ZBP1: variants seen among roughly 807,000 people sequenced by gnomAD.
The protein encoded by ZBP1 is Z-DNA binding protein 1, also known as Z-DNA-binding protein 1.
A neutral mutation model predicts 41.1 loss-of-function variants in ZBP1; 42 were observed. The observed-to-expected ratio is 1.02, with a 90% CI of 0.80 to 1.32. The LOEUF (loss-of-function observed/expected upper bound fraction) is 1.32, where lower values mean the gene tolerates loss of function less well. ZBP1 is among the 40% of genes most tolerant of loss of function. The probability of loss-of-function intolerance (pLI) is 0.00; values close to 1 mark genes in which losing one functional copy is unlikely to be tolerated. For missense variants in ZBP1, 562 were observed against 549.7 expected, an observed-to-expected ratio of 1.02 and a Z score of -0.22; for synonymous variants, 214 against 205.2, an observed-to-expected ratio of 1.04 and a Z score of -0.37.
intron 7 of ZBP1, 111 bp from the exon 8 acceptor site, chr20:57,604,880 G>T: frequency 2.8e-6 from 3 of 1,058,534 alleles, no homozygotes; most frequent in Non-Finnish European, 2.8e-6. Context: ...TGTTGTTACT[G>T]TCTTTAGATT....
At chr20:57,607,910 T>A (rs2070537515) in intron 7 of ZBP1, among the ~76,000 whole-genome samples, 1 of 152,192 alleles carries the variant, frequency 6.6e-6, no homozygotes, top group Non-Finnish European at 1.5e-5. Flanking sequence ...TGAATATAAC[T>A]TGTATATGCA....
chr20:57,611,021 T>C (rs1032765955), intron 6 of ZBP1, among the ~76,000 whole-genome samples: 1 of 152,170 alleles, frequency 6.6e-6, no homozygotes, highest in African/African-American at 2.4e-5. Flanking sequence ...CATCTCTGCA[T>C]TCCCAGTGTG....
Position 57,616,129 on chromosome 20 carries a change from C to G in ZBP1, c.259+115G>C. On this transcript the variant is annotated intron_variant, in intron 2 of 7. Transcript: ENST00000371173. The stretch of plus-strand genomic sequence containing the variant: ...GAAACCAAGGCACAGAGAGAGGAAA[C>G]CTGTGAGCTCCCATGTGGCAGAGTT... The G allele has an allele frequency of 4.2e-6, 4 of 953,576 alleles. No individual in the cohort carries two copies. The South Asian group carries it at 4.7e-5, about 11-fold the overall frequency. 59.1% of individuals were successfully genotyped at this position (953,576 alleles called of 1,614,324 possible). A position where few individuals can be genotyped will look rare whatever the true frequency, so the allele number is the denominator to read the frequency against.
chr20:57,616,222 G>C lies in ZBP1; in HGVS notation c.259+22C>G, dbSNP rs200179518. ...GGATGCTCCCTGCAGGGTCAGACCC[G>C]CCTCCCCGGGGTGGCAGTTACCAGG... On this transcript the variant is annotated intron_variant, in intron 2 of 7. Transcript: ENST00000371173. The C allele has an allele frequency of 2.5e-6, 4 of 1,611,852 alleles. No homozygotes were observed. In the African/African-American group the frequency reaches 4.0e-5, roughly 16 times the overall value.
rs34478944 is a variant in ZBP1, at chr20:57,614,892, C to T, written c.497G>A (p.Arg166His). ...DEQSKAWTIY[R>H]PEDSGRRAKS... ...ACAGGCAGCCGGGGGCCTACCTGGG[C>T]GGTAAATCGTCCATGCTTTGGACTG... Residue 166 changes from arginine to histidine, a missense_variant, in exon 4 of 8, where the codon CGC becomes CAC. Physicochemically the swap from Arg to His is conservative, Grantham distance 29 (BLOSUM62 0). Transcript: ENST00000371173. 5.1e-4 allele frequency: 816 copies of T among 1,614,104 alleles called. 4 individuals are homozygous for T. The African/African-American group carries it at 8.7e-3, about 17-fold the overall frequency.
Position 57,616,373 on chromosome 20 carries a change from C to G in ZBP1, c.130G>C (p.Glu44Gln). 1 of 1,614,172 alleles carries G rather than the reference C, an allele frequency of 6.2e-7. No individual in the cohort carries two copies. The highest frequency in any genetic ancestry group is 8.5e-7 in the Non-Finnish European group (1 of 1,180,044). The change falls in exon 2 of 8, where the codon GAG becomes CAG. Residue 44 changes from glutamate to glutamine, a missense_variant. Transcript: ENST00000371173. ...ATTCGGTAGAGGACTTGGTTGAGCTCCCTCTTGGGTGCTTGGCATTCCTTC... is the reference window on the plus strand; with the variant it reads ...ATTCGGTAGAGGACTTGGTTGAGCTGCCTCTTGGGTGCTTGGCATTCCTTC... The part of the protein sequence containing the change: ...LVKECQAPKR[E>Q]LNQVLYRMKK...
rs181818321 is a variant in ZBP1, at chr20:57,614,184, A to G, written c.502+703T>C. The stretch of plus-strand genomic sequence containing the variant: ...CGAGTAGCTGGGATTACAGGCGCCC[A>G]CCACCACACCTGGCTAATTTTTGTA... On this transcript the variant is annotated intron_variant, in intron 4 of 7. Coordinates refer to ENST00000371173, the MANE Select transcript of ZBP1 (RefSeq NM_030776.3). 4.8e-3 allele frequency among the ~76,000 whole-genome samples: 728 copies of G among 151,872 alleles called. 6 individuals are homozygous for G. The highest frequency in any genetic ancestry group is 0.017 in the African/African-American group (699 of 41,392).
In ZBP1 at chr20:57,610,044, G is replaced by T; in HGVS notation, c.1093+105C>A. 1 of 1,332,684 alleles carries T rather than the reference G, an allele frequency of 7.5e-7. No individual in the cohort carries two copies. 82.6% of individuals were successfully genotyped at this position (1,332,684 alleles called of 1,614,324 possible). A position where few individuals can be genotyped will look rare whatever the true frequency, so the allele number is the denominator to read the frequency against. On this transcript the variant is annotated intron_variant, in intron 7 of 7. Coordinates refer to ENST00000371173, the MANE Select transcript of ZBP1 (RefSeq NM_030776.3). This position sits in a 1 kb window ranked among gnomAD's most constrained non-coding sequence, Gnocchi z 5.5. ...GGGTGGGCACAGCCTCCAGACTCCG[G>T]GAAACCAGAGATTAGCGAATGATCG...
In ZBP1 at chr20:57,610,436, A is replaced by G; in HGVS notation, c.875-69T>C. The G allele has an allele frequency of 6.5e-7, 1 of 1,548,942 alleles. No homozygotes were observed. The highest frequency in any genetic ancestry group is 8.9e-7 in the Non-Finnish European group (1 of 1,125,774). On this transcript the variant is annotated intron_variant, in intron 6 of 7. Coordinates refer to ENST00000371173, the MANE Select transcript of ZBP1 (RefSeq NM_030776.3). The surrounding 1 kb of genome is among the most constrained non-coding windows in gnomAD (Gnocchi z 5.5). ...ACAGTGGCCGGGAACCCTGACCCCC[A>G]GCCTGGTTCACCCTCCTCCCCAGAT...
Position 57,613,143 on chromosome 20 carries a change from G to T in ZBP1, c.670+20C>A. 3 of 1,614,074 alleles carry T rather than the reference G, an allele frequency of 1.9e-6. No individual in the cohort carries two copies. Among genetic ancestry groups the T allele is most frequent in the Non-Finnish European group, 2.5e-6 (3 of 1,180,002 alleles). ...GCTCCCCACCGAGGTCCCCTCCCTG[G>T]GCTCTCTTGGGTGACTTACCGTCCT... On this transcript the variant is annotated intron_variant, in intron 5 of 7. Transcript: ENST00000371173. The surrounding 1 kb of genome is among the most constrained non-coding windows in gnomAD (Gnocchi z 4.5).
At position 57,608,963 on chromosome 20, in the gene ZBP1, G is replaced by A. The variant is rs375529299; in HGVS notation, c.1093+1186C>T. On this transcript the variant is annotated intron_variant, in intron 7 of 7. Transcript: ENST00000371173. ...CCCAAAAGGGTAGGAGCGGAAATCC[G>A]CCTTCTAATTCTTTTTTCACATGGG... 3.3e-5 allele frequency among the ~76,000 whole-genome samples: 5 copies of A among 152,180 alleles called. No individual in the cohort carries two copies. In the East Asian group the frequency reaches 7.7e-4, roughly 23 times the overall value.
chr20:57,609,973 G>A (rs988662052), intron 7 of ZBP1, among the ~76,000 whole-genome samples, 176 bp downstream of exon 7: 4 of 152,086 alleles, frequency 2.6e-5, no homozygotes, highest in Admixed American at 6.5e-5. Flanking sequence ...CTCCACTAGG[G>A]GGACGGAGCC....
intron 7 of ZBP1, among the ~76,000 whole-genome samples, chr20:57,608,560 T>C (rs2070555669): frequency 6.6e-6 from 1 of 152,250 alleles, no homozygotes; most frequent in Non-Finnish European, 1.5e-5. Context: ...TGGTGGCACA[T>C]GCCCTCCCAA....
chr20:57,607,103 C>T lies in ZBP1; in HGVS notation c.1094-2334G>A, dbSNP rs181740728. ...ATTTTATGAGGGCATAAGTGCAACACAGAGTGATTCCTCAGATGGATCTGG... is the reference window on the plus strand; with the variant it reads ...ATTTTATGAGGGCATAAGTGCAACATAGAGTGATTCCTCAGATGGATCTGG... On this transcript the variant is annotated intron_variant, in intron 7 of 7. Transcript: ENST00000371173. 4.4e-5 allele frequency: 58 copies of T among 1,304,266 alleles called. No homozygotes were observed. The East Asian group carries it at 2.7e-3, about 61-fold the overall frequency. 80.8% of individuals were successfully genotyped at this position (1,304,266 alleles called of 1,614,324 possible). A position where few individuals can be genotyped will look rare whatever the true frequency, so the allele number is the denominator to read the frequency against.
chr20:57,615,965 T>G, intron 2 of ZBP1: 1 of 557,586 alleles, frequency 1.8e-6, no homozygotes, highest in South Asian at 2.2e-5. Flanking sequence ...GCTGTCTCCA[T>G]CATGATGATT....
chr20:57,608,656 C>G lies in ZBP1; in HGVS notation c.1093+1493G>C, dbSNP rs533103981. Among the ~76,000 whole-genome samples the G allele has an allele frequency of 3.3e-5, 5 of 152,368 alleles. No individual in the cohort carries two copies. In the East Asian group the frequency reaches 9.6e-4, roughly 29 times the overall value. On this transcript the variant is annotated intron_variant, in intron 7 of 7. Coordinates refer to ENST00000371173, the MANE Select transcript of ZBP1 (RefSeq NM_030776.3). ...CTCCCAGATGCTCATGGCCTGAGTC[C>G]TGAGGAATGCGCTCCTGGTCCCCGT...
At chr20:57,608,836 G>A (rs941665528) in intron 7 of ZBP1, among the ~76,000 whole-genome samples, 1 of 152,254 alleles carries the variant, frequency 6.6e-6, no homozygotes, top group Non-Finnish European at 1.5e-5. Context: ...CATCCCCTGG[G>A]CCTTCAGGCA....
chr20:57,611,635 G>A (rs2070674736), intron 6 of ZBP1, 92 bp downstream of exon 6: 1 of 1,346,650 alleles, frequency 7.4e-7, no homozygotes, highest in East Asian at 2.5e-5. Flanking sequence ...TTCCCATCAT[G>A]CTTCTCTTCC....
At position 57,610,187 on chromosome 20, in the gene ZBP1, A is replaced by T. The variant is rs1375646114; in HGVS notation, c.1055T>A (p.Val352Asp). ...TGGCTCCCCCTCTCCAGACCCTGCG[A>T]CTCCTCCTGGGCCAGCCACCCCTGG... ...ISPGVAGPGG[V>D]AGSGEGEPGE... is the part of the protein sequence containing the mutation. The change falls in exon 7 of 8, where the codon GTC becomes GAC. Residue 352 changes from valine to aspartate, a missense_variant. By Grantham distance (152) the Val-to-Asp change is radical. Transcript: ENST00000371173. This position sits in a 1 kb window ranked among gnomAD's most constrained non-coding sequence, Gnocchi z 5.5. 1 of 1,612,336 alleles carries T rather than the reference A, an allele frequency of 6.2e-7. No individual in the cohort carries two copies. The highest frequency in any genetic ancestry group is 8.5e-7 in the Non-Finnish European group (1 of 1,179,626).
Sources: gnomAD v4.1 joint callset for allele counts (sites outside exome capture counted in the v4.1 genomes callset) on GRCh38, gnomAD v4.1.1 for gene constraint, Gnocchi (gnomAD v3.1) non-coding constraint, MANE v1.5 for transcripts, NCBI Gene and HGNC (gene_info 2026-07-23, HGNC 2026-07-21) for gene names.